Variants in ICE2 observed in about 807,000 individuals in gnomAD.
ICE2 encodes little elongation complex subunit 2.
Under a neutral mutation model 105.4 loss-of-function variants are expected in ICE2, and 87 were observed. That is an observed-to-expected ratio of 0.83 (90% CI 0.69 to 0.99). The LOEUF (loss-of-function observed/expected upper bound fraction) is 0.99, where lower values mean the gene tolerates loss of function less well. Among genes scored for constraint, ICE2 ranks in the 50% least tolerant of loss-of-function variants. The probability of loss-of-function intolerance (pLI) is 0.00; values close to 1 mark genes in which losing one functional copy is unlikely to be tolerated. For missense variants in ICE2, 1,323 were observed against 1,146.7 expected, an observed-to-expected ratio of 1.15 and a Z score of -2.22; for synonymous variants, 399 against 392.0, an observed-to-expected ratio of 1.02 and a Z score of -0.21.
At chr15:60,427,086 T>A (rs2063353852) in intron 15 of ICE2, among the ~76,000 whole-genome samples, 1 of 152,178 alleles carries the variant, frequency 6.6e-6, no homozygotes, top group Non-Finnish European at 1.5e-5. Flanking sequence ...GAGTTCTCAT[T>A]TCTAAAAGGA....
At chr15:60,426,272 C>T (rs941897817) in intron 15 of ICE2, among the ~76,000 whole-genome samples, 2 of 152,158 alleles carry the variant, frequency 1.3e-5, no homozygotes, top group Non-Finnish European at 2.9e-5. Flanking sequence ...TACAACATAA[C>T]AGTGCAATGT....
intron 5 of ICE2, among the ~76,000 whole-genome samples, chr15:60,462,201 T>C (rs548913042): frequency 3.3e-5 from 5 of 152,316 alleles, no homozygotes; most frequent in South Asian, 4.1e-4. Context: ...AATGAATAAA[T>C]GATGCAATCA....
chr15:60,430,034 T>C (rs2063421974), intron 14 of ICE2, among the ~76,000 whole-genome samples: 2 of 152,100 alleles, frequency 1.3e-5, no homozygotes, highest in African/African-American at 4.8e-5. Context: ...CTCCTAGAAA[T>C]GTTTATGTTC....
In ICE2 at chr15:60,431,918, C is replaced by G. The variant is rs1334085276; in HGVS notation, c.2561+16G>C. 7.7e-7 allele frequency: 1 copy of G among 1,293,794 alleles called. No homozygotes were observed. The highest frequency in any genetic ancestry group is 2.5e-5 in the East Asian group (1 of 40,194). 80.1% of individuals were successfully genotyped at this position (1,293,794 alleles called of 1,614,324 possible). A position where few individuals can be genotyped will look rare whatever the true frequency, so the allele number is the denominator to read the frequency against. On this transcript the variant is annotated intron_variant, in intron 14 of 15. Coordinates refer to ENST00000261520, the MANE Select transcript of ICE2 (RefSeq NM_024611.6). ...AAATCAGATGTATCAAAGCAAAATGCCTAAAAAATACTTACCTACTTAGTT... is the reference window on the plus strand; with the variant it reads ...AAATCAGATGTATCAAAGCAAAATGGCTAAAAAATACTTACCTACTTAGTT...
At chr15:60,455,233 G>A in intron 7 of ICE2, 71 bp from the exon 8 acceptor site, 1 of 1,518,922 alleles carries the variant, frequency 6.6e-7, no homozygotes, top group Non-Finnish European at 8.9e-7. Flanking sequence ...AACAAAAAAA[G>A]TCAGAAAGGG....
intron 5 of ICE2, 66 bp from the exon 6 acceptor site, chr15:60,456,860 G>A: frequency 1.0e-6 from 1 of 981,700 alleles, no homozygotes; most frequent in Non-Finnish European, 1.4e-6. Flanking sequence ...AAAATTTTTA[G>A]TTACATGTGA....
rs764989509 is a variant in ICE2, at chr15:60,449,854, A to C, written c.1126-13T>G. The C allele has an allele frequency of 4.4e-6, 7 of 1,591,290 alleles. No homozygotes were observed. Among genetic ancestry groups the C allele is most frequent in the Non-Finnish European group, 6.0e-6 (7 of 1,169,914 alleles). ...CTTCACAGGACATCTTATGTAAATA[A>C]ATTGGTAAAGTATTAGTAAAAATTT... On this transcript the variant is annotated splice_polypyrimidine_tract_variant and intron_variant, in intron 9 of 15. Coordinates refer to ENST00000261520, the MANE Select transcript of ICE2 (RefSeq NM_024611.6).
intron 3 of ICE2, among the ~76,000 whole-genome samples, chr15:60,472,661 G>A (rs2064636317): frequency 6.6e-6 from 1 of 152,074 alleles, no homozygotes. Context: ...ACCCACACCT[G>A]GGATATGCTG....
At chr15:60,470,616 A>C (rs1001810260) in intron 3 of ICE2, among the ~76,000 whole-genome samples, 1 of 152,164 alleles carries the variant, frequency 6.6e-6, no homozygotes, top group African/African-American at 2.4e-5. Context: ...CTAGTCTGTT[A>C]TTATTTATCC....
Position 60,428,599 on chromosome 15 carries a change from T to C in ICE2, c.2650A>G (p.Thr884Ala), listed in dbSNP as rs1265633056. Residue 884 changes from threonine to alanine, a missense_variant, in exon 15 of 16, where the codon ACA becomes GCA. Coordinates refer to ENST00000261520, the MANE Select transcript of ICE2 (RefSeq NM_024611.6). ...YKASDGKVTRTAYNLYKTHCG... is the reference protein window; with the variant it reads ...YKASDGKVTRAAYNLYKTHCG... ...TGTGTTTTATACAAATTGTATGCTG[T>C]CCTAGTAACTTTTCCATCAGAGGCC... The C allele has an allele frequency of 5.0e-6, 8 of 1,613,976 alleles. No individual in the cohort carries two copies. Among genetic ancestry groups the C allele is most frequent in the Admixed American group, 3.3e-5 (2 of 59,988 alleles).
chr15:60,451,398 C>T (rs1372774632), intron 9 of ICE2: 1 of 948,368 alleles, frequency 1.1e-6, no homozygotes, highest in Non-Finnish European at 1.3e-6. Flanking sequence ...AAGTCTTATT[C>T]TATGTTCAGA....
intron 10 of ICE2, 47 bp downstream of exon 10, chr15:60,448,801 A>G: frequency 1.3e-6 from 2 of 1,501,774 alleles, no homozygotes; most frequent in Non-Finnish European, 1.8e-6. Context: ...AACCTAAGGA[A>G]AAAGAACAAG....
At chr15:60,433,725 A>G (rs2063515553) in intron 13 of ICE2, among the ~76,000 whole-genome samples, 1 of 151,752 alleles carries the variant, frequency 6.6e-6, no homozygotes, top group Non-Finnish European at 1.5e-5. Flanking sequence ...TCCTGACCTC[A>G]AGTGATCCAC....
chr15:60,475,266 C>T (rs560556026), intron 3 of ICE2, among the ~76,000 whole-genome samples: 1 of 152,108 alleles, frequency 6.6e-6, no homozygotes, highest in Non-Finnish European at 1.5e-5. Flanking sequence ...CTACTACAGG[C>T]AAGTTGGCAG....
chr15:60,455,517 A>C lies in ICE2; in HGVS notation c.667-75T>G, dbSNP rs76446668. The C allele has an allele frequency of 7.4e-3, 6,658 of 895,812 alleles. 183 individuals are homozygous for C. Among genetic ancestry groups the C allele is most frequent in the African/African-American group, 0.069 (4,149 of 59,752 alleles). The allele number at this position is 895,812 out of a possible 1,614,324, so 55.5% of individuals were successfully genotyped here. On this transcript the variant is annotated intron_variant, in intron 6 of 15. Coordinates refer to ENST00000261520, the MANE Select transcript of ICE2 (RefSeq NM_024611.6). The stretch of plus-strand genomic sequence containing the variant: ...TTCTAAGAAAAGTATCTTTCATCAT[A>C]TGAAACTCTTAACTTGAACTTTATA...
chr15:60,462,584 C>T (rs1053692803), intron 5 of ICE2, among the ~76,000 whole-genome samples: 1 of 152,026 alleles, frequency 6.6e-6, no homozygotes, highest in Non-Finnish European at 1.5e-5. Flanking sequence ...AGGAGAAAAA[C>T]TGCAACATAC....
intron 15 of ICE2, among the ~76,000 whole-genome samples, chr15:60,425,177 A>G (rs527776162): frequency 3.9e-5 from 6 of 152,202 alleles, no homozygotes; most frequent in Non-Finnish European, 8.8e-5. Context: ...CCCTTTAAAA[A>G]GCATTTTTTT....
intron 5 of ICE2, among the ~76,000 whole-genome samples, chr15:60,458,598 T>C (rs1595796974): frequency 6.6e-6 from 1 of 152,142 alleles, no homozygotes; most frequent in South Asian, 2.1e-4. Context: ...GTAAGACTTC[T>C]ACATTTAAGC....
chr15:60,454,661 T>G (rs1165802013), intron 8 of ICE2: 1 of 173,612 alleles, frequency 5.8e-6, no homozygotes, highest in Admixed American at 6.2e-5. Flanking sequence ...TTTAGACAGC[T>G]GAAATGAAAT....
Sources: allele counts gnomAD v4.1 joint callset (sites outside exome capture counted in the v4.1 genomes callset), GRCh38; gene constraint gnomAD v4.1.1; transcripts MANE v1.5; gene names NCBI Gene and HGNC (gene_info 2026-07-23, HGNC 2026-07-21).